The following LIFR variants were observed in gnomAD, a reference collection of about 807,000 sequenced individuals.
LIFR encodes leukemia inhibitory factor receptor.
LIFR carries 84 observed loss-of-function variants against 122.2 expected under a neutral mutation model. The observed-to-expected ratio is 0.69, with a 90% CI of 0.58 to 0.82. The LOEUF (loss-of-function observed/expected upper bound fraction) is 0.82. Among genes scored for constraint, LIFR ranks in the 40% least tolerant of loss-of-function variants. The pLI is 0.00. For synonymous variants in LIFR, 422 were observed against 434.7 expected, an observed-to-expected ratio of 0.97 and a Z score of 0.36; for missense variants, 1,294 against 1,311.6, an observed-to-expected ratio of 0.99 and a Z score of 0.21.
intron 16 of LIFR, 142 bp downstream of exon 16, chr5:38,488,936 A>G: frequency 3.0e-6 from 2 of 670,864 alleles, no homozygotes; most frequent in South Asian, 1.8e-5. Context: ...TATTCATAGA[A>G]TTACTGCCTT....
chr5:38,574,390 G>A (rs1042631164), intron 1 of LIFR, among the ~76,000 whole-genome samples: 9 of 152,122 alleles, frequency 5.9e-5, no homozygotes, highest in Admixed American at 2.6e-4. Flanking sequence ...GTTAGATTCC[G>A]TGATTGCAAT....
chr5:38,521,023 G>T (rs1336782725), intron 5 of LIFR, among the ~76,000 whole-genome samples: 1 of 152,138 alleles, frequency 6.6e-6, no homozygotes, highest in Non-Finnish European at 1.5e-5. Flanking sequence ...TGTGCAGATT[G>T]CTTTGGGCAG....
rs1264582430 is a variant in LIFR at position 38,536,103 on chromosome 5, A to C, written c.-19-5437T>G. ...CTAGTAATTGCTGGGATAAAACACA[A>C]GTACTACCCAAACAAATCAATGTAG... On this transcript the variant is annotated intron_variant, in intron 1 of 19. Transcript: ENST00000453190. Among the ~76,000 whole-genome samples, 3 of 152,196 alleles carry C rather than the reference A, an allele frequency of 2.0e-5. No individual in the cohort carries two copies. In the East Asian group the frequency reaches 5.8e-4, roughly 29 times the overall value.
At chr5:38,577,126 G>A (rs1177088081) in intron 1 of LIFR, among the ~76,000 whole-genome samples, 1 of 152,170 alleles carries the variant, frequency 6.6e-6, no homozygotes, top group Non-Finnish European at 1.5e-5. Flanking sequence ...TTATGATTTG[G>A]TTTCTAAACA....
At chr5:38,579,178 C>T (rs1386491702) in intron 1 of LIFR, 1 of 152,152 alleles carries the variant, frequency 6.6e-6, no homozygotes, top group African/African-American at 2.4e-5. Flanking sequence ...TCAGAACAAA[C>T]TTTGGGACAT....
upstream of LIFR, chr5:38,558,414 C>G (rs1421312917): frequency 6.6e-6 from 1 of 152,098 alleles, no homozygotes; most frequent in Non-Finnish European, 1.5e-5. Context: ...TGGCTAACAT[C>G]CACCTGATAC....
At chr5:38,571,282 T>C (rs917114489) in intron 1 of LIFR, among the ~76,000 whole-genome samples, 6 of 152,212 alleles carry the variant, frequency 3.9e-5, no homozygotes, top group Non-Finnish European at 8.8e-5. Context: ...CTGGGCACAG[T>C]GGCTCATGCC....
At chr5:38,521,041 C>T (rs537710903) in intron 5 of LIFR, among the ~76,000 whole-genome samples, 1 of 152,244 alleles carries the variant, frequency 6.6e-6, no homozygotes, top group African/African-American at 2.4e-5. Context: ...CAGTTTGGTC[C>T]TGTTAATGAT....
At chr5:38,562,010 A>G (rs1748855782) in intron 1 of LIFR, among the ~76,000 whole-genome samples, 1 of 152,114 alleles carries the variant, frequency 6.6e-6, no homozygotes, top group African/African-American at 2.4e-5. Flanking sequence ...GTTAAAGCCA[A>G]CTCCCTGAGC....
Position 38,528,829 on chromosome 5 carries a change from C to A in LIFR, c.154G>T (p.Asp52Tyr), listed in dbSNP as rs755358098. The A allele has an allele frequency of 1.9e-6, 3 of 1,548,036 alleles. No individual in the cohort carries two copies. Among genetic ancestry groups the A allele is most frequent in the Non-Finnish European group, 2.6e-6 (3 of 1,138,886 alleles). The change falls in exon 3 of 20, where the codon GAT (aspartate) becomes TAT (tyrosine). Residue 52 changes from aspartate (D) to tyrosine (Y), a missense_variant. Coordinates refer to ENST00000453190, the MANE Select transcript of LIFR (RefSeq NM_001127671.2). Reference sequence around the variant, plus strand: ...AAATTGTTAGTTACACACTTCAAATCATGAGGAGCCCCTGGAGGAGACACA... The same window carrying A: ...AAATTGTTAGTTACACACTTCAAATAATGAGGAGCCCCTGGAGGAGACACA... ...VNSQKKGAPH[D>Y]LKCVTNNLQV...
rs1746766284 is a variant in LIFR at position 38,527,648 on chromosome 5, C to T, written c.258-354G>A. On this transcript the variant is annotated intron_variant, in intron 3 of 19. Coordinates refer to ENST00000453190, the MANE Select transcript of LIFR (RefSeq NM_001127671.2). Reference sequence around the variant, plus strand: ...GGGACCAGTGCATCACAGCGCTCCTCATGCTAGGATGATGTTCAACGGATG... The same window carrying T: ...GGGACCAGTGCATCACAGCGCTCCTTATGCTAGGATGATGTTCAACGGATG... 2.0e-5 allele frequency among the ~76,000 whole-genome samples: 3 copies of T among 152,176 alleles called. No individual in the cohort carries two copies. In the South Asian group the frequency reaches 6.2e-4, roughly 32 times the overall value.
chr5:38,483,058 C>T (rs1744081768), intron 18 of LIFR, among the ~76,000 whole-genome samples: 1 of 152,170 alleles, frequency 6.6e-6, no homozygotes, highest in Non-Finnish European at 1.5e-5. Context: ...GTCATGAGTA[C>T]ACTGCAGGCT....
At chr5:38,602,795 G>C (rs553487006) in intron 2 of LIFR, among the ~76,000 whole-genome samples, 1 of 152,264 alleles carries the variant, frequency 6.6e-6, no homozygotes, top group South Asian at 2.1e-4. Context: ...ATGATGGTTC[G>C]ACAATTATCA....
chr5:38,504,630 C>G (rs1381595638), intron 9 of LIFR, among the ~76,000 whole-genome samples: 1 of 151,932 alleles, frequency 6.6e-6, no homozygotes, highest in Non-Finnish European at 1.5e-5. Context: ...GGCAGAGATG[C>G]CAATAATGAA....
At chr5:38,599,540 TGA>T (rs1433659132), upstream of LIFR, among the ~76,000 whole-genome samples, 1 of 152,124 alleles carries the variant, frequency 6.6e-6, no homozygotes, top group Non-Finnish European at 1.5e-5. Flanking sequence ...TTTGAAGCTG[TGA>T]GAGTGAATGA....
chr5:38,523,393 G>T (rs1746504068), intron 5 of LIFR, 26 bp downstream of exon 5: 1 of 1,585,884 alleles, frequency 6.3e-7, no homozygotes, highest in African/African-American at 1.4e-5. Context: ...TAATGTCATA[G>T]GAAGAAAATC....
chr5:38,583,790 G>A (rs114053030), intron 1 of LIFR, among the ~76,000 whole-genome samples: 3,825 of 152,214 alleles, frequency 0.025, 187 homozygotes, highest in African/African-American at 0.086. Context: ...TAATTCCTAT[G>A]TGTTGTGGGA....
At chr5:38,574,828 A>G (rs1749330228) in intron 1 of LIFR, among the ~76,000 whole-genome samples, 1 of 152,156 alleles carries the variant, frequency 6.6e-6, no homozygotes, top group African/African-American at 2.4e-5. Flanking sequence ...TCTTGAGCCT[A>G]TCCAAACCTT....
rs572954936 is a variant in LIFR, at chr5:38,517,856, C to CAAAAAAAAAAAAA, written c.561+5550_561+5562dup. Among the ~76,000 whole-genome samples, 83 of 15,036 alleles carry CAAAAAAAAAAAAA rather than the reference C, an allele frequency of 5.5e-3. 12 individuals are homozygous for CAAAAAAAAAAAAA. The highest frequency in any genetic ancestry group is 0.02 in the African/African-American group (44 of 2,250). 9.9% of individuals were successfully genotyped at this position (15,036 alleles called of 152,430 possible). ...TGTGCAACAGAGCAAGACACTGTCT[C>CAAAAAAAAAAAAA]AAAAAAAAAAAAAAAAAAAAAAAAA... On this transcript the variant is annotated intron_variant, in intron 5 of 19. Transcript: ENST00000453190.
Sources: gnomAD v4.1 joint callset for allele counts (sites outside exome capture counted in the v4.1 genomes callset) on GRCh38, gnomAD v4.1.1 for gene constraint, MANE v1.5 for transcripts, NCBI Gene and HGNC (gene_info 2026-07-23, HGNC 2026-07-21) for gene names.